Variants in ELP4 observed in about 807,000 individuals in gnomAD.
The protein encoded by ELP4 is elongator acetyltransferase complex subunit 4.
In ELP4, 51 loss-of-function variants were observed where a neutral mutation model predicts 48.9. The ratio of observed to expected loss-of-function variants is 1.04; its 90% CI spans 0.83 to 1.32. The LOEUF is 1.32. ELP4 is among the 40% of genes most tolerant of loss of function. ELP4 has a pLI of 0.00. For synonymous variants in ELP4, 210 were observed against 189.2 expected, an observed-to-expected ratio of 1.11 and a Z score of -0.90; for missense variants, 519 against 514.6, an observed-to-expected ratio of 1.01 and a Z score of -0.08.
At chr11:31,652,625 T>TA (rs1433702093) in intron 9 of ELP4, 3 of 151,792 alleles carry the variant, frequency 2.0e-5, no homozygotes, top group Non-Finnish European at 4.4e-5. Context: ...AAATAAAATG[T>TA]AACCTTACTA....
chr11:31,641,226 C>T (rs994350121), intron 7 of ELP4, among the ~76,000 whole-genome samples: 1 of 151,860 alleles, frequency 6.6e-6, no homozygotes, highest in Non-Finnish European at 1.5e-5. Flanking sequence ...TTTGCTGTGA[C>T]ATGCTGTTTC....
chr11:31,619,546 G>T (rs1944571103), intron 5 of ELP4, among the ~76,000 whole-genome samples: 1 of 151,852 alleles, frequency 6.6e-6, no homozygotes, highest in Non-Finnish European at 1.5e-5. Flanking sequence ...CTCGGGCATG[G>T]CAGAAGAGGA....
chr11:31,620,939 A>G (rs1271016153), intron 5 of ELP4, among the ~76,000 whole-genome samples: 1 of 151,896 alleles, frequency 6.6e-6, no homozygotes, highest in South Asian at 2.1e-4. Flanking sequence ...AAGATAATCA[A>G]ACTCAGTATT....
intron 7 of ELP4, among the ~76,000 whole-genome samples, chr11:31,639,795 A>C (rs1287748958): frequency 6.6e-6 from 1 of 151,932 alleles, no homozygotes; most frequent in Non-Finnish European, 1.5e-5. Flanking sequence ...ACCAAAACAT[A>C]TTCAGTAAAC....
At chr11:31,516,107 G>A (rs994452108) in intron 1 of ELP4, among the ~76,000 whole-genome samples, 4 of 151,918 alleles carry the variant, frequency 2.6e-5, no homozygotes, top group African/African-American at 9.7e-5. Flanking sequence ...AGCAAGACTC[G>A]GTCTCAAAAA....
chr11:31,790,095 T>TAAAAAAAA lies in ELP4; in HGVS notation c.*6572_*6573insAAAAAAAA. The stretch of plus-strand genomic sequence containing the variant: ...GACATGGAATACAAATTTATAGGTT[T>TAAAAAAAA]ACAAAAAAAAAAAAAAAAAAAAAAA... On this transcript the variant is annotated 3_prime_UTR_variant, in exon 10 of 10. Transcript: ENST00000640961. The TAAAAAAAA allele has an allele frequency of 1.6e-5, 1 of 61,324 alleles. No individual in the cohort carries two copies. Among genetic ancestry groups the TAAAAAAAA allele is most frequent in the Non-Finnish European group, 2.6e-5 (1 of 39,164 alleles). The allele number at this position is 61,324 out of a possible 1,614,324, so 3.8% of individuals were successfully genotyped here.
chr11:31,534,266 GGT>G (rs61054150), intron 2 of ELP4, among the ~76,000 whole-genome samples: 139 of 147,568 alleles, frequency 9.4e-4, no homozygotes, highest in East Asian at 1.4e-3. Context: ...GAGGTGGATT[GGT>G]GTGTGTGTGT....
chr11:31,714,118 G>A (rs1469344077), intron 9 of ELP4, among the ~76,000 whole-genome samples: 1 of 152,084 alleles, frequency 6.6e-6, no homozygotes, highest in East Asian at 1.9e-4. Flanking sequence ...TTTCATTTTG[G>A]ATGTAAAACT....
At chr11:31,575,296 G>A (rs1201576481) in intron 3 of ELP4, among the ~76,000 whole-genome samples, 2 of 152,212 alleles carry the variant, frequency 1.3e-5, no homozygotes, top group Non-Finnish European at 2.9e-5. Flanking sequence ...TATGTCAAAA[G>A]ACCAAATCTA....
At chr11:31,745,093 T>G (rs1334261697) in intron 9 of ELP4, among the ~76,000 whole-genome samples, 1 of 151,396 alleles carries the variant, frequency 6.6e-6, no homozygotes, top group East Asian at 1.9e-4. Context: ...TTATACACCA[T>G]TAACAGACAA....
chr11:31,629,233 C>T (rs1327308562), intron 6 of ELP4, among the ~76,000 whole-genome samples: 1 of 151,666 alleles, frequency 6.6e-6, no homozygotes, highest in Non-Finnish European at 1.5e-5. Context: ...ACTTAGAATA[C>T]CAGATTAAAT....
intron 5 of ELP4, among the ~76,000 whole-genome samples, chr11:31,608,040 T>C: frequency 4.3e-5 from 1 of 23,042 alleles, no homozygotes; most frequent in East Asian, 1.8e-3. Flanking sequence ...GAGTTTGCAA[T>C]TTTTTTTTTT....
At position 31,562,626 on chromosome 11, in the gene ELP4, CCTTT is replaced by C. The variant is rs1211015852; in HGVS notation, c.381+22848_381+22851del. The stretch of plus-strand genomic sequence containing the variant: ...ATACCAATGTGAAAGTGTTTTTCAC[CCTTT>C]CTTTTTGTAATAGCAGTGATATTGC... On this transcript the variant is annotated intron_variant, in intron 3 of 9. Transcript: ENST00000640961. Among the ~76,000 whole-genome samples the C allele has an allele frequency of 4.1e-4, 63 of 151,906 alleles. 1 individual carries two copies. The highest frequency in any genetic ancestry group is 1.4e-3 in the African/African-American group (59 of 41,426).
chr11:31,726,642 G>A (rs1420226202), intron 9 of ELP4, among the ~76,000 whole-genome samples: 1 of 151,856 alleles, frequency 6.6e-6, no homozygotes, highest in Non-Finnish European at 1.5e-5. Flanking sequence ...CCTAATGAAG[G>A]GGCAGTGGCC....
intron 9 of ELP4, among the ~76,000 whole-genome samples, chr11:31,734,781 A>G (rs1298815450): frequency 6.6e-6 from 1 of 152,228 alleles, no homozygotes; most frequent in African/African-American, 2.4e-5. Context: ...TAAAATGTTC[A>G]TAGTACCCAG....
chr11:31,621,480 G>T (rs950991752), intron 5 of ELP4, among the ~76,000 whole-genome samples: 1 of 151,732 alleles, frequency 6.6e-6, no homozygotes, highest in African/African-American at 2.4e-5. Context: ...GCAATCCCTG[G>T]CTTTACAGAT....
intron 8 of ELP4, chr11:31,648,877 G>T (rs1945262695): frequency 6.6e-6 from 1 of 151,428 alleles, no homozygotes; most frequent in African/African-American, 2.4e-5. Flanking sequence ...CTGTTAATAA[G>T]GAGGACCTGA....
intron 3 of ELP4, among the ~76,000 whole-genome samples, chr11:31,579,190 G>A (rs574838939): frequency 6.6e-4 from 100 of 152,134 alleles, no homozygotes; most frequent in African/African-American, 1.9e-3. Flanking sequence ...AAAAATGCTC[G>A]TCATCACTGG....
intron 7 of ELP4, 91 bp from the exon 8 acceptor site, chr11:31,647,650 A>G (rs769535434): frequency 9.3e-5 from 73 of 782,680 alleles, no homozygotes; most frequent in Non-Finnish European, 1.4e-4. Flanking sequence ...TCTCCACTAC[A>G]GTTTTTCATG....
Sources: allele counts gnomAD v4.1 joint callset (sites outside exome capture counted in the v4.1 genomes callset), GRCh38; gene constraint gnomAD v4.1.1; transcripts MANE v1.5; gene names NCBI Gene and HGNC (gene_info 2026-07-23, HGNC 2026-07-21).